TMEM114: variants seen among roughly 807,000 people sequenced by gnomAD.
TMEM114 encodes claudin-26.
Under a neutral mutation model 6.2 loss-of-function variants are expected in TMEM114, and 6 were observed. That is an observed-to-expected ratio of 0.97 (90% confidence interval 0.53 to 1.91). The LOEUF (loss-of-function observed/expected upper bound fraction) is 1.91, where lower values mean the gene tolerates loss of function less well. TMEM114 is among the 40% of genes most tolerant of loss of function. The pLI, the probability that TMEM114 is intolerant of heterozygous loss-of-function variation, is 0.01. For missense variants in TMEM114, 218 were observed against 158.3 expected, an observed-to-expected ratio of 1.38 and a Z score of -2.02; for synonymous variants, 104 against 73.0, an observed-to-expected ratio of 1.42 and a Z score of -2.16.
downstream of TMEM114, among the ~76,000 whole-genome samples, chr16:8,568,857 T>C (rs1410271321): frequency 6.6e-6 from 1 of 152,202 alleles, no homozygotes; most frequent in Non-Finnish European, 1.5e-5. Context: ...AGCAGGATTT[T>C]TGGAAGATAC....
At chr16:8,531,386 C>T in the TMEM114 span, among the ~76,000 whole-genome samples, 503 of 152,326 alleles carry the variant, frequency 3.3e-3, 1 homozygote, top group East Asian at 0.035. Flanking sequence ...CAACCCCCTC[C>T]TTGGAACACT....
At chr16:8,561,478 G>C (rs1901198334) in intron 2 of TMEM114, among the ~76,000 whole-genome samples, 2 of 152,330 alleles carry the variant, frequency 1.3e-5, no homozygotes, top group South Asian at 4.1e-4. Context: ...ACAGACCCCA[G>C]AATGTCAGCT....
At chr16:8,569,446 G>A, downstream of TMEM114, 3 of 1,162,486 alleles carry the variant, frequency 2.6e-6, no homozygotes, top group Non-Finnish European at 3.2e-6. Flanking sequence ...CATGGGTGAG[G>A]AGGAAATGAA....
chr16:8,539,191 G>C (rs12927418), intron 2 of TMEM114, among the ~76,000 whole-genome samples: 13,664 of 152,150 alleles, frequency 0.09, 700 homozygotes, highest in African/African-American at 0.15. Context: ...GTGCGGTGCT[G>C]AATAAACGTT....
intron 2 of TMEM114, among the ~76,000 whole-genome samples, chr16:8,559,896 C>G (rs1397355011): frequency 6.6e-6 from 1 of 152,118 alleles, no homozygotes; most frequent in Non-Finnish European, 1.5e-5. Context: ...AGTCGGGAGC[C>G]TGGGGTGGCT....
chr16:8,530,426 T>C, the TMEM114 span, among the ~76,000 whole-genome samples: 2 of 152,238 alleles, frequency 1.3e-5, no homozygotes, highest in South Asian at 4.1e-4. Context: ...CTTAAAACTC[T>C]TTCAGCTCCC....
intron 2 of TMEM114, among the ~76,000 whole-genome samples, chr16:8,560,196 C>T (rs1469473756): frequency 6.6e-6 from 1 of 151,720 alleles, no homozygotes; most frequent in Non-Finnish European, 1.5e-5. Context: ...TGGGGTCTTG[C>T]TATGTTGCTT....
At chr16:8,535,633 T>C (rs1567192129), downstream of TMEM114, among the ~76,000 whole-genome samples, 1 of 152,230 alleles carries the variant, frequency 6.6e-6, no homozygotes, top group Non-Finnish European at 1.5e-5. Flanking sequence ...TTCCAAACTG[T>C]AGGCACTGAT....
At chr16:8,534,678 T>C (rs879603718), downstream of TMEM114, among the ~76,000 whole-genome samples, 1 of 152,240 alleles carries the variant, frequency 6.6e-6, no homozygotes, top group Non-Finnish European at 1.5e-5. Context: ...TGGTTGTTAC[T>C]GACTTTGAGC....
At position 8,574,302 on chromosome 16, in the gene TMEM114, G is replaced by A. The variant is rs1901840576; in HGVS notation, c.302-2078C>T. Among the ~76,000 whole-genome samples the A allele has an allele frequency of 2.0e-5, 3 of 152,162 alleles. No individual in the cohort carries two copies. The South Asian group carries it at 6.2e-4, about 32-fold the overall frequency. ...TGTAAAGATCATTGGGCAACACGGG[G>A]CAATGTAGTAAGATGTGCAGTGTTG... On this transcript the variant is annotated intron_variant, in intron 2 of 3. Transcript: ENST00000620492.
intron 2 of TMEM114, among the ~76,000 whole-genome samples, chr16:8,538,801 C>T (rs548495767): frequency 9.2e-5 from 14 of 152,222 alleles, no homozygotes; most frequent in Admixed American, 3.9e-4. Context: ...CCACCGCGCC[C>T]GCCCGGCCGT....
chr16:8,564,497 A>G (rs1408121330), intron 2 of TMEM114, among the ~76,000 whole-genome samples: 3 of 88,936 alleles, frequency 3.4e-5, no homozygotes, highest in African/African-American at 4.9e-5. Flanking sequence ...GAATGAGTGA[A>G]TGAGTGAGTA....
At chr16:8,588,742 C>A (rs1230334876) in intron 2 of TMEM114, among the ~76,000 whole-genome samples, 1 of 152,212 alleles carries the variant, frequency 6.6e-6, no homozygotes, top group African/African-American at 2.4e-5. Flanking sequence ...CCCACTACTG[C>A]AAAGCCCTTG....
chr16:8,541,989 A>G (rs548271817), intron 2 of TMEM114, among the ~76,000 whole-genome samples: 1 of 152,300 alleles, frequency 6.6e-6, no homozygotes, highest in South Asian at 2.1e-4. Flanking sequence ...TAAGGGATCC[A>G]CCACCCTGCG....
rs1901356287 is a variant in TMEM114 at position 8,563,349 on chromosome 16, ATGAG to A, written n.213-25527_213-25524del. 7.7e-5 allele frequency among the ~76,000 whole-genome samples: 4 copies of A among 51,626 alleles called. No homozygotes were observed. In the South Asian group the frequency reaches 2.7e-3, roughly 35 times the overall value. The allele number at this position is 51,626 out of a possible 152,430, so 33.9% of individuals were successfully genotyped here. On this transcript the variant is annotated intron_variant and non_coding_transcript_variant, in intron 2 of 2. Transcript: ENST00000623677. ...TATGAGTGAGTGAATGAGTGAGTAA[ATGAG>A]TGAGTGAGGGAGGGAGGGAATGAGT...
intron 2 of TMEM114, among the ~76,000 whole-genome samples, chr16:8,553,024 C>T (rs572473282): frequency 6.6e-6 from 1 of 152,350 alleles, no homozygotes; most frequent in African/African-American, 2.4e-5. Context: ...CTTGCTAATC[C>T]AGCCGAGGTT....
chr16:8,532,276 A>C, the TMEM114 span, among the ~76,000 whole-genome samples: 721 of 152,344 alleles, frequency 4.7e-3, 5 homozygotes, highest in African/African-American at 0.017. Flanking sequence ...AAAGTCCTGC[A>C]TTTTAATTTT....
In TMEM114 at chr16:8,551,298, C is replaced by T. The variant is rs142436872; in HGVS notation, n.213-13472G>A. 1.7e-3 allele frequency among the ~76,000 whole-genome samples: 256 copies of T among 152,328 alleles called. 1 individual carries two copies. Among genetic ancestry groups the T allele is most frequent in the Non-Finnish European group, 1.5e-3 (103 of 68,032 alleles). ...CTGCAAGCAAGACCCTCTGAAAAGC[C>T]TGTTCTTCAGATAAGTTAGTCAGAC... On this transcript the variant is annotated intron_variant and non_coding_transcript_variant, in intron 2 of 2. Transcript: ENST00000623677.
intron 1 of TMEM114, 60 bp downstream of exon 1, chr16:8,589,559 C>T (rs1429914300): frequency 2.5e-6 from 1 of 398,488 alleles, no homozygotes; most frequent in African/African-American, 2.1e-5. Context: ...CCCAAGGGAG[C>T]AGGGCACCGC....
Sources: gnomAD v4.1 joint callset for allele counts (sites outside exome capture counted in the v4.1 genomes callset) on GRCh38, gnomAD v4.1.1 for gene constraint, MANE v1.5 for transcripts, NCBI Gene and HGNC (gene_info 2026-07-23, HGNC 2026-07-21) for gene names.